Variants in CHODL observed in about 807,000 individuals in gnomAD.
CHODL encodes transmembrane protein MT75.
A neutral mutation model predicts 34.5 loss-of-function variants in CHODL; 29 were observed. The observed-to-expected ratio is 0.84, with a 90% confidence interval of 0.63 to 1.15. The LOEUF is 1.15. Ranked by LOEUF, CHODL falls within the 50% of genes most tolerant of loss-of-function variation. The pLI, the probability that CHODL is intolerant of heterozygous loss-of-function variation, is 0.00. For missense variants in CHODL, 332 were observed against 332.5 expected, an observed-to-expected ratio of 1.00 and a Z score of 0.01; for synonymous variants, 125 against 116.1, an observed-to-expected ratio of 1.08 and a Z score of -0.49.
At chr21:18,050,947 A>G (rs1025656504) in intron 2 of CHODL, among the ~76,000 whole-genome samples, 1 of 149,238 alleles carries the variant, frequency 6.7e-6, no homozygotes, top group Non-Finnish European at 1.5e-5. Flanking sequence ...TTATTATTAT[A>G]CTTTAAGTTC....
At chr21:18,124,153 C>A (rs570007491) in intron 2 of CHODL, among the ~76,000 whole-genome samples, 2 of 152,224 alleles carry the variant, frequency 1.3e-5, no homozygotes, top group East Asian at 3.9e-4. Flanking sequence ...AATGACCTTG[C>A]GTGGCATGTG....
chr21:18,064,248 A>G (rs2146489538), intron 2 of CHODL, among the ~76,000 whole-genome samples: 1 of 152,232 alleles, frequency 6.6e-6, no homozygotes, highest in Admixed American at 6.5e-5. Flanking sequence ...CATACCCATG[A>G]GTCATACTCT....
intron 1 of CHODL, among the ~76,000 whole-genome samples, chr21:18,005,932 C>T (rs774903882): frequency 5.3e-5 from 8 of 152,134 alleles, no homozygotes; most frequent in Non-Finnish European, 1.0e-4. Context: ...GTAACTCCCA[C>T]AATTTCCACG....
At chr21:18,092,514 CAG>C (rs778224956) in intron 2 of CHODL, among the ~76,000 whole-genome samples, 7 of 152,214 alleles carry the variant, frequency 4.6e-5, no homozygotes, top group Admixed American at 3.3e-4. Flanking sequence ...TCTGGTAAAA[CAG>C]AGATATCTGG....
At chr21:18,072,233 A>G (rs969827069) in intron 2 of CHODL, among the ~76,000 whole-genome samples, 8 of 152,088 alleles carry the variant, frequency 5.3e-5, no homozygotes, top group Non-Finnish European at 7.4e-5. Context: ...ATTCTGATTG[A>G]AAAACAATTT....
intron 2 of CHODL, among the ~76,000 whole-genome samples, chr21:18,048,394 A>C (rs1260243549): frequency 6.6e-6 from 1 of 151,902 alleles, no homozygotes; most frequent in Non-Finnish European, 1.5e-5. Context: ...ATTTGGGTGG[A>C]ATTAAAAAAC....
intron 2 of CHODL, among the ~76,000 whole-genome samples, chr21:18,239,101 A>G (rs1318744248): frequency 1.3e-5 from 2 of 152,162 alleles, no homozygotes; most frequent in Non-Finnish European, 2.9e-5. Flanking sequence ...CAATAGAAAT[A>G]CACTTACTTT....
intron 2 of CHODL, among the ~76,000 whole-genome samples, chr21:18,134,992 C>T (rs528248153): frequency 6.6e-6 from 1 of 152,280 alleles, no homozygotes; most frequent in African/African-American, 2.4e-5. Context: ...TTTGATCTTG[C>T]TCATTGGGAA....
intron 2 of CHODL, among the ~76,000 whole-genome samples, chr21:18,192,621 G>A (rs938387538): frequency 2.0e-5 from 3 of 152,016 alleles, no homozygotes; most frequent in African/African-American, 7.2e-5. Flanking sequence ...TTTTGAAAAT[G>A]TATTTCCAAA....
At position 18,025,534 on chromosome 21, in the gene CHODL, G is replaced by A. The variant is rs185986950; in HGVS notation, c.-144-2338G>A. On this transcript the variant is annotated intron_variant, in intron 1 of 6. Transcript: ENST00000400127. ...TAAATCTATGTCCCTCTACTTCTTC[G>A]TTCGGTTTCAATACATATTTCATAG... Among the ~76,000 whole-genome samples the A allele has an allele frequency of 3.0e-4, 45 of 152,000 alleles. 1 individual carries two copies. Among genetic ancestry groups the A allele is most frequent in the South Asian group, 1.7e-3 (8 of 4,806 alleles).
chr21:17,974,663 T>C (rs1413876498), intron 1 of CHODL, among the ~76,000 whole-genome samples: 2 of 152,174 alleles, frequency 1.3e-5, no homozygotes, highest in African/African-American at 2.4e-5. Context: ...TTTGATAAAG[T>C]TGTCTTTAAA....
In CHODL at chr21:18,167,985, G is replaced by A. The variant is rs2073178492; in HGVS notation, c.-44-88524G>A. 2.0e-5 allele frequency among the ~76,000 whole-genome samples: 3 copies of A among 152,186 alleles called. No homozygotes were observed. In the South Asian group the frequency reaches 6.2e-4, roughly 32 times the overall value. On this transcript the variant is annotated intron_variant, in intron 2 of 6. Transcript: ENST00000400127. The stretch of plus-strand genomic sequence containing the variant: ...TGTGGCTAGGATAAAAGCAGGCAGA[G>A]GAACATGAAAAGACCAGACTGGCTG...
At chr21:18,183,086 C>T (rs2073401067) in intron 2 of CHODL, among the ~76,000 whole-genome samples, 1 of 152,168 alleles carries the variant, frequency 6.6e-6, no homozygotes, top group Non-Finnish European at 1.5e-5. Context: ...AAACCTCATT[C>T]CTTTTAAAAT....
intron 2 of CHODL, among the ~76,000 whole-genome samples, chr21:18,082,168 G>T (rs1013283267): frequency 6.6e-6 from 1 of 152,126 alleles, no homozygotes; most frequent in African/African-American, 2.4e-5. Flanking sequence ...ACAAGATCTG[G>T]TTGTTTCAAA....
intron 1 of CHODL, among the ~76,000 whole-genome samples, chr21:17,923,141 A>C (rs1002242008): frequency 6.6e-6 from 1 of 152,090 alleles, no homozygotes; most frequent in Non-Finnish European, 1.5e-5. Flanking sequence ...CTTTGAATAG[A>C]ATGGGAGGCA....
intron 1 of CHODL, among the ~76,000 whole-genome samples, chr21:17,996,984 G>C (rs1052645045): frequency 1.1e-4 from 16 of 151,950 alleles, no homozygotes; most frequent in African/African-American, 3.9e-4. Flanking sequence ...TATTTAACTA[G>C]TAGAGAAACA....
intron 2 of CHODL, among the ~76,000 whole-genome samples, chr21:18,114,255 AACTT>A (rs1184623023): frequency 6.6e-6 from 1 of 152,158 alleles, no homozygotes; most frequent in Non-Finnish European, 1.5e-5. Flanking sequence ...CATCAATGAT[AACTT>A]ACTTGCATAT....
chr21:18,178,197 A>G (rs1005710867), intron 2 of CHODL, among the ~76,000 whole-genome samples: 2 of 152,128 alleles, frequency 1.3e-5, no homozygotes, highest in Non-Finnish European at 2.9e-5. Context: ...TACCAGACAC[A>G]AGTTAATTAT....
intron 1 of CHODL, among the ~76,000 whole-genome samples, chr21:17,917,632 C>T (rs1329087363): frequency 6.6e-6 from 1 of 152,020 alleles, no homozygotes; most frequent in Non-Finnish European, 1.5e-5. Context: ...GAAGGACACA[C>T]CCTGACCTCA....
Sources: allele counts gnomAD v4.1 joint callset (sites outside exome capture counted in the v4.1 genomes callset), GRCh38; gene constraint gnomAD v4.1.1; transcripts MANE v1.5; gene names NCBI Gene and HGNC (gene_info 2026-07-23, HGNC 2026-07-21).